The following FNDC7 variants were observed in gnomAD, a reference collection of about 807,000 sequenced individuals.
The protein encoded by FNDC7 is fibronectin type III domain containing 7.
A neutral mutation model predicts 74.2 loss-of-function variants in FNDC7; 66 were observed. The ratio of observed to expected loss-of-function variants is 0.89; its 90% CI spans 0.73 to 1.09. FNDC7 has a LOEUF of 1.09. FNDC7 is among the 50% of genes least tolerant of loss of function. The probability of loss-of-function intolerance (pLI) is 0.00; values close to 1 mark genes in which losing one functional copy is unlikely to be tolerated. For missense variants in FNDC7, 829 were observed against 893.4 expected (o/e 0.93, Z 0.92); for synonymous variants, 307 against 330.2 (o/e 0.93, Z 0.76).
Position 108,727,805 on chromosome 1 carries a change from C to T in FNDC7, c.1112-3C>T. On this transcript the variant is annotated splice_region_variant and splice_polypyrimidine_tract_variant and intron_variant, in intron 6 of 12. Transcript: ENST00000370017. ...GCCATTTTCCCTCTGCTCCTGCTTT[C>T]AGCTCCCTGTTGTCCTAGTGACATT... 6.2e-7 allele frequency: 1 copy of T among 1,614,020 alleles called. No individual in the cohort carries two copies. Among genetic ancestry groups the T allele is most frequent in the Non-Finnish European group, 8.5e-7 (1 of 1,179,960 alleles).
At chr1:108,738,789 C>G (rs985565693) in intron 11 of FNDC7, among the ~76,000 whole-genome samples, 1 of 152,096 alleles carries the variant, frequency 6.6e-6, no homozygotes, top group Non-Finnish European at 1.5e-5. Flanking sequence ...TCCTGTCCCA[C>G]CTGCAGGTCT....
intron 9 of FNDC7, 90 bp downstream of exon 9, chr1:108,731,018 G>T: frequency 7.3e-7 from 1 of 1,362,632 alleles, no homozygotes; most frequent in South Asian, 1.5e-5. Flanking sequence ...AAAAGATGCT[G>T]CATCTCCACC....
Position 108,717,891 on chromosome 1 carries a change from A to G in FNDC7, c.197A>G (p.Asp66Gly), listed in dbSNP as rs1233118706. ...TACCTCCTCACGGCTGAAGACGGGG[A>G]CACAGTCATTGAAACCACGGTGGCC... ...TSYLLTAEDG[D>G]TVIETTVANS... Residue 66 changes from aspartate to glycine, a missense_variant, in exon 3 of 13, where the codon GAC (aspartate) becomes GGC (glycine). Physicochemically the swap from Asp to Gly is moderately conservative, Grantham distance 94. Transcript: ENST00000370017. 9.0e-6 allele frequency: 14 copies of G among 1,551,704 alleles called. No individual in the cohort carries two copies. The highest frequency in any genetic ancestry group is 1.1e-5 in the Non-Finnish European group (13 of 1,146,988).
At chr1:108,734,840 C>T (rs1661475585) in intron 10 of FNDC7, 1 of 152,122 alleles carries the variant, frequency 6.6e-6, no homozygotes, top group South Asian at 2.1e-4. Context: ...ATAATTTATC[C>T]AGTGGTTTCA....
chr1:108,717,210 A>G (rs1270921399), intron 2 of FNDC7, among the ~76,000 whole-genome samples: 1 of 152,258 alleles, frequency 6.6e-6, no homozygotes, highest in Non-Finnish European at 1.5e-5. Flanking sequence ...AGTAATTATA[A>G]CAAAGAACTC....
intron 6 of FNDC7, among the ~76,000 whole-genome samples, chr1:108,726,596 C>T (rs897819771): frequency 3.3e-5 from 5 of 152,118 alleles, no homozygotes; most frequent in Non-Finnish European, 7.3e-5. Flanking sequence ...TTAGCATCAC[C>T]GTTGCTGTTG....
At position 108,722,431 on chromosome 1, in the gene FNDC7, C is replaced by T. The variant is rs1336543187; in HGVS notation, c.695C>T (p.Thr232Ile). 1 of 1,614,118 alleles carries T rather than the reference C, an allele frequency of 6.2e-7. No homozygotes were observed. The highest frequency in any genetic ancestry group is 8.5e-7 in the Non-Finnish European group (1 of 1,180,044). Residue 232 changes from threonine to isoleucine, a missense_variant, in exon 5 of 13, where the codon ACT (threonine) becomes ATT (isoleucine). Thr to Ile is a moderately conservative substitution (Grantham distance 89). Coordinates refer to ENST00000370017, the MANE Select transcript of FNDC7 (RefSeq NM_001144937.3). ...WARAEGAFNY[T>I]VMALSDSSEL... is the part of the protein sequence containing the mutation. ...CGGGCAGAAGGAGCTTTCAATTATA[C>T]TGTGATGGCTTTGAGCGACTCTTCA...
intron 2 of FNDC7, among the ~76,000 whole-genome samples, chr1:108,715,850 T>G (rs1197686202): frequency 1.3e-5 from 2 of 152,248 alleles, no homozygotes; most frequent in East Asian, 3.8e-4. Flanking sequence ...ATGACTTGCA[T>G]GCCTTCACAC....
At chr1:108,716,038 G>A (rs1370071658) in intron 2 of FNDC7, among the ~76,000 whole-genome samples, 1 of 152,068 alleles carries the variant, frequency 6.6e-6, no homozygotes, top group Non-Finnish European at 1.5e-5. Flanking sequence ...TGTGGAGCCC[G>A]CGGGCCCCAT....
chr1:108,726,825 A>G (rs1217583279), intron 6 of FNDC7, among the ~76,000 whole-genome samples: 2 of 152,222 alleles, frequency 1.3e-5, no homozygotes, highest in South Asian at 2.1e-4. Context: ...GTAAATTTTG[A>G]CAGGATGAGG....
rs190931704 is a variant in FNDC7, at chr1:108,724,912, C to T, written c.857-838C>T. The stretch of plus-strand genomic sequence containing the variant: ...CCTGGCCAACATGGTGAAACTTTGT[C>T]TCTACTAAAAGTACAAAAATTAGTT... On this transcript the variant is annotated intron_variant, in intron 5 of 12. Transcript: ENST00000370017. Among the ~76,000 whole-genome samples, 1,284 of 151,898 alleles carry T rather than the reference C, an allele frequency of 8.5e-3. 9 individuals carry two copies. Among genetic ancestry groups the T allele is most frequent in the Admixed American group, 0.016 (244 of 15,268 alleles).
chr1:108,719,571 A>G (rs568947210), intron 4 of FNDC7, among the ~76,000 whole-genome samples: 103 of 152,308 alleles, frequency 6.8e-4, no homozygotes, highest in Admixed American at 1.5e-3. Context: ...CAAAGGCCTC[A>G]GCTTGGGTCT....
In FNDC7 at chr1:108,722,705, G is replaced by A. The variant is rs1449843213; in HGVS notation, c.856+113G>A. 28 of 1,135,932 alleles carry A rather than the reference G, an allele frequency of 2.5e-5. 1 individual carries two copies. The highest frequency in any genetic ancestry group is 1.8e-4 in the East Asian group (7 of 38,488). 70.4% of individuals were successfully genotyped at this position (1,135,932 alleles called of 1,614,324 possible). The stretch of plus-strand genomic sequence containing the variant: ...TGGAAAAAATGAAAATGAAAGCCTG[G>A]TCTAAATGAAAGCATAGAGTTGGAC... On this transcript the variant is annotated intron_variant, in intron 5 of 12. Transcript: ENST00000370017.
At chr1:108,733,612 C>G in intron 10 of FNDC7, 80 bp downstream of exon 10, 2 of 1,350,340 alleles carry the variant, frequency 1.5e-6, no homozygotes, top group Non-Finnish European at 2.1e-6. Flanking sequence ...AACTTATTTA[C>G]TATGTATGAA....
intron 10 of FNDC7, among the ~76,000 whole-genome samples, chr1:108,736,075 T>A (rs992018136): frequency 6.6e-6 from 1 of 152,210 alleles, no homozygotes; most frequent in Non-Finnish European, 1.5e-5. Flanking sequence ...CCCAAAGAGC[T>A]GAGATTACAG....
intron 4 of FNDC7, among the ~76,000 whole-genome samples, chr1:108,720,152 CTCCTTCCCTTATCTTCCCCTCCTG>C (rs1415108039): frequency 1.3e-5 from 2 of 152,180 alleles, no homozygotes; most frequent in Non-Finnish European, 2.9e-5. Context: ...GCTTTCTTCC[CTCCTTCCCTTATCTTCCCCTCCTG>C]TCCTTCCCTT....
Position 108,713,498 on chromosome 1 carries a change from C to T in FNDC7, c.64-13C>T. The T allele has an allele frequency of 6.5e-7, 1 of 1,549,656 alleles. No individual in the cohort carries two copies. The highest frequency in any genetic ancestry group is 1.2e-5 in the South Asian group (1 of 83,398). On this transcript the variant is annotated splice_polypyrimidine_tract_variant and intron_variant, in intron 1 of 12. Transcript: ENST00000370017. ...TTCTGTGTGGTTCTAATTTTCCAAA[C>T]TTTCCTTTTCAGGTTGCTTCAGCAA...
At position 108,713,440 on chromosome 1, in the gene FNDC7, T is replaced by C. The variant is rs781509096; in HGVS notation, c.64-71T>C. ...GTTGTGATTAATTTATTACCGCTTTTATTCATGTTTTACGTTTGTTCAAGT... is the reference window on the plus strand; with the variant it reads ...GTTGTGATTAATTTATTACCGCTTTCATTCATGTTTTACGTTTGTTCAAGT... On this transcript the variant is annotated intron_variant, in intron 1 of 12. Coordinates refer to ENST00000370017, the MANE Select transcript of FNDC7 (RefSeq NM_001144937.3). 58 of 1,273,852 alleles carry C rather than the reference T, an allele frequency of 4.6e-5. 2 individuals are homozygous for C. In the South Asian group the frequency reaches 6.9e-4, roughly 15 times the overall value. The allele number at this position is 1,273,852 out of a possible 1,614,324, so 78.9% of individuals were successfully genotyped here. A position where few individuals can be genotyped will look rare whatever the true frequency, so the allele number is the denominator to read the frequency against.
intron 11 of FNDC7, among the ~76,000 whole-genome samples, chr1:108,739,045 A>G (rs1007505293): frequency 6.6e-6 from 1 of 152,106 alleles, no homozygotes; most frequent in Admixed American, 6.6e-5. Context: ...TCCCCAGGGG[A>G]GAGGAGTGGT....
Sources: allele counts gnomAD v4.1 joint callset (sites outside exome capture counted in the v4.1 genomes callset), GRCh38; gene constraint gnomAD v4.1.1; transcripts MANE v1.5; gene names NCBI Gene and HGNC (gene_info 2026-07-23, HGNC 2026-07-21).